Variants in RANBP17 observed in about 807,000 individuals in gnomAD.
RANBP17 encodes the protein ran-binding protein 17.
Under a neutral mutation model 141.2 loss-of-function variants are expected in RANBP17, and 158 were observed. That is an observed-to-expected ratio of 1.12 (90% CI 0.98 to 1.28). RANBP17 has a LOEUF of 1.28. Ranked by LOEUF, RANBP17 falls within the 50% of genes most tolerant of loss-of-function variation. RANBP17 has a pLI of 0.00. For synonymous variants in RANBP17, 430 were observed against 450.0 expected, an observed-to-expected ratio of 0.96 and a Z score of 0.56; for missense variants, 1,438 against 1,290.7, an observed-to-expected ratio of 1.11 and a Z score of -1.75.
At chr5:171,043,190 T>C (rs1782363048) in intron 14 of RANBP17, among the ~76,000 whole-genome samples, 1 of 152,238 alleles carries the variant, frequency 6.6e-6, no homozygotes, top group African/African-American at 2.4e-5. Context: ...GTATTCTTCT[T>C]TAAGAAAACC....
intron 14 of RANBP17, among the ~76,000 whole-genome samples, chr5:171,092,271 C>T (rs1370214137): frequency 6.6e-6 from 1 of 152,068 alleles, no homozygotes; most frequent in Non-Finnish European, 1.5e-5. Context: ...TAGTGAACCC[C>T]TAATAATATA....
intron 1 of RANBP17, among the ~76,000 whole-genome samples, chr5:170,869,624 C>T (rs889572958): frequency 1.3e-5 from 2 of 152,130 alleles, no homozygotes; most frequent in African/African-American, 4.8e-5. Context: ...ACTCTAGTCT[C>T]TGCCTACATC....
chr5:171,158,729 A>G (rs1429458424), intron 14 of RANBP17, among the ~76,000 whole-genome samples: 1 of 151,236 alleles, frequency 6.6e-6, no homozygotes, highest in East Asian at 1.9e-4. Flanking sequence ...TTTCTGACTC[A>G]TTAGAAATGT....
chr5:170,937,130 G>T (rs1773947993), intron 12 of RANBP17, among the ~76,000 whole-genome samples: 3 of 152,182 alleles, frequency 2.0e-5, no homozygotes. Context: ...TTGCTAGGTG[G>T]AGGACACCAA....
At chr5:171,041,135 T>A (rs1247414563) in intron 14 of RANBP17, among the ~76,000 whole-genome samples, 2 of 152,166 alleles carry the variant, frequency 1.3e-5, no homozygotes, top group Admixed American at 6.6e-5. Context: ...ATAGGGCTGC[T>A]TGATTGTCCC....
chr5:171,108,786 G>A lies in RANBP17; in HGVS notation c.1711-61344G>A, dbSNP rs563063930. 3.9e-4 allele frequency among the ~76,000 whole-genome samples: 60 copies of A among 152,242 alleles called. 2 individuals carry two copies. In the South Asian group the frequency reaches 0.012, roughly 31 times the overall value. The stretch of plus-strand genomic sequence containing the variant: ...AATAGTATCAGAAAAATGGCTGACT[G>A]AATTTTGCTTTTTTGGAAAAACTTG... On this transcript the variant is annotated intron_variant, in intron 14 of 27. Transcript: ENST00000523189.
rs180709660 is a variant in RANBP17, at chr5:171,294,983, A to C, written c.3043-904A>C. 3.7e-3 allele frequency among the ~76,000 whole-genome samples: 558 copies of C among 152,340 alleles called. 3 individuals carry two copies. Among genetic ancestry groups the C allele is most frequent in the African/African-American group, 0.013 (540 of 41,568 alleles). ...AAAATAAGTAGTTTTGTGCATTCCC[A>C]ATCTTGTTCAGTAAGACATTGTGGT... On this transcript the variant is annotated intron_variant, in intron 26 of 27. Coordinates refer to ENST00000523189, the MANE Select transcript of RANBP17 (RefSeq NM_022897.5).
chr5:171,173,014 G>T (rs1010859467), intron 16 of RANBP17, among the ~76,000 whole-genome samples: 2 of 151,668 alleles, frequency 1.3e-5, no homozygotes, highest in African/African-American at 4.8e-5. Context: ...TTCAACATGG[G>T]TACATTGATT....
At chr5:171,125,454 G>A (rs890414258) in intron 14 of RANBP17, among the ~76,000 whole-genome samples, 2 of 150,642 alleles carry the variant, frequency 1.3e-5, no homozygotes, top group Non-Finnish European at 3.0e-5. Flanking sequence ...AGAGATGAGT[G>A]CAACAAAAGG....
rs1156719168 is a variant in RANBP17 at position 171,213,749 on chromosome 5, T to C, written c.2339+11T>C. 1 of 1,558,412 alleles carries C rather than the reference T, an allele frequency of 6.4e-7. No individual in the cohort carries two copies. The highest frequency in any genetic ancestry group is 8.9e-7 in the Non-Finnish European group (1 of 1,129,398). Reference sequence around the variant, plus strand: ...ACTTATGCAAAACAGGTAAGCAGTGTGACAGGCAGTGAGAAAAACAGTCTA... The same window carrying C: ...ACTTATGCAAAACAGGTAAGCAGTGCGACAGGCAGTGAGAAAAACAGTCTA... On this transcript the variant is annotated intron_variant, in intron 21 of 27. Transcript: ENST00000523189.
At chr5:171,002,825 T>G (rs909624779) in intron 14 of RANBP17, among the ~76,000 whole-genome samples, 1 of 151,620 alleles carries the variant, frequency 6.6e-6, no homozygotes, top group Non-Finnish European at 1.5e-5. Flanking sequence ...GGAAATGGAG[T>G]GAATGTCAGG....
intron 18 of RANBP17, 43 bp from the exon 19 acceptor site, chr5:171,199,627 C>A: frequency 8.2e-7 from 1 of 1,224,824 alleles, no homozygotes; most frequent in Non-Finnish European, 1.2e-6. Flanking sequence ...ATGTACAATT[C>A]TATGCATTTT....
intron 1 of RANBP17, among the ~76,000 whole-genome samples, chr5:170,872,210 T>C (rs1214495200): frequency 2.0e-5 from 3 of 152,232 alleles, no homozygotes. Flanking sequence ...TGGTTTATAC[T>C]TCTTCTTGAA....
At position 171,240,534 on chromosome 5, in the gene RANBP17, T is replaced by C. The variant is rs190837169; in HGVS notation, c.2423-394T>C. On this transcript the variant is annotated intron_variant, in intron 22 of 27. Coordinates refer to ENST00000523189, the MANE Select transcript of RANBP17 (RefSeq NM_022897.5). ...CCGAGAATTTAGGGTAATTTACATCTCAGTCAGGTTATCTTTTTCTCTTGA... is the reference window on the plus strand; with the variant it reads ...CCGAGAATTTAGGGTAATTTACATCCCAGTCAGGTTATCTTTTTCTCTTGA... 4.8e-3 allele frequency among the ~76,000 whole-genome samples: 732 copies of C among 152,286 alleles called. 4 individuals are homozygous for C. The highest frequency in any genetic ancestry group is 0.017 in the African/African-American group (714 of 41,580).
At chr5:170,916,625 A>T in intron 9 of RANBP17, 41 bp downstream of exon 9, 1 of 1,340,226 alleles carries the variant, frequency 7.5e-7, no homozygotes, top group Non-Finnish European at 1.0e-6. Context: ...ATAGAGATAC[A>T]GTTTTTCAGC....
At chr5:170,987,951 A>G (rs1778259623) in intron 14 of RANBP17, among the ~76,000 whole-genome samples, 1 of 151,630 alleles carries the variant, frequency 6.6e-6, no homozygotes, top group Non-Finnish European at 1.5e-5. Flanking sequence ...TACCAAATAT[A>G]CCATTATTTG....
chr5:170,902,624 T>C (rs1209575613), intron 5 of RANBP17, among the ~76,000 whole-genome samples: 1 of 152,236 alleles, frequency 6.6e-6, no homozygotes, highest in East Asian at 1.9e-4. Context: ...ATTTTCAGCC[T>C]TTTTGCACTG....
At chr5:171,084,152 C>T (rs1318933838) in intron 14 of RANBP17, among the ~76,000 whole-genome samples, 8 of 144,824 alleles carry the variant, frequency 5.5e-5, no homozygotes, top group Non-Finnish European at 1.5e-5. Context: ...TGATATTCCC[C>T]TTCCTGTGTC....
intron 25 of RANBP17, among the ~76,000 whole-genome samples, chr5:171,271,982 C>T (rs553061037): frequency 2.6e-5 from 4 of 152,242 alleles, no homozygotes; most frequent in Admixed American, 2.0e-4. Context: ...AAATGTGGTA[C>T]ATATATACAC....
Sources: gnomAD v4.1 joint callset for allele counts (sites outside exome capture counted in the v4.1 genomes callset) on GRCh38, gnomAD v4.1.1 for gene constraint, MANE v1.5 for transcripts, NCBI Gene and HGNC (gene_info 2026-07-23, HGNC 2026-07-21) for gene names.